The following WNK1 variants were observed in gnomAD, a reference collection of about 807,000 sequenced individuals.
The protein encoded by WNK1 is WNK lysine deficient protein kinase 1.
A neutral mutation model predicts 222.8 loss-of-function variants in WNK1; 38 were observed. That is an observed-to-expected ratio of 0.17 (90% CI 0.13 to 0.22). The LOEUF (loss-of-function observed/expected upper bound fraction) is 0.22. WNK1 is among the 10% of genes least tolerant of loss of function. WNK1 has a pLI of 1.00. For synonymous variants in WNK1, 1,090 were observed against 1,092.9 expected (o/e 1.00, Z 0.05); for missense variants, 2,348 against 2,918.4 (o/e 0.80, Z 4.50).
intron 1 of WNK1, among the ~76,000 whole-genome samples, chr12:764,293 A>G (rs1309451744): frequency 6.8e-6 from 1 of 147,660 alleles, no homozygotes; most frequent in Non-Finnish European, 1.5e-5. Context: ...TTTAACAAGT[A>G]GTAAAGAAAT....
intron 1 of WNK1, among the ~76,000 whole-genome samples, chr12:792,381 C>G (rs967060796): frequency 7.0e-6 from 1 of 142,312 alleles, no homozygotes; most frequent in East Asian, 2.1e-4. Flanking sequence ...GGTGCAATCT[C>G]GGCTCACTGC....
intron 3 of WNK1, among the ~76,000 whole-genome samples, chr12:828,096 G>C (rs547545171): frequency 6.6e-6 from 1 of 151,422 alleles, no homozygotes; most frequent in East Asian, 2.0e-4. Context: ...TCAGGAGTTT[G>C]AGACCAGTCT....
In WNK1 at chr12:754,340, C is replaced by T. The variant is rs1015314188; in HGVS notation, c.759+16C>T. The T allele has an allele frequency of 1.9e-6, 3 of 1,589,112 alleles. No individual in the cohort carries two copies. Among genetic ancestry groups the T allele is most frequent in the South Asian group, 1.1e-5 (1 of 91,000 alleles). ...TGAACTGCAGGTAAAGCCCCACCTA[C>T]TTTATTTGACGGTCCTTTGGATCCC... On this transcript the variant is annotated intron_variant, in intron 1 of 27. Coordinates refer to ENST00000315939, the MANE Select transcript of WNK1 (RefSeq NM_018979.4).
At chr12:818,383 G>A (rs1425854767) in intron 2 of WNK1, among the ~76,000 whole-genome samples, 3 of 152,084 alleles carry the variant, frequency 2.0e-5, no homozygotes, top group Non-Finnish European at 4.4e-5. Flanking sequence ...TGTGATTTTG[G>A]GCAAATAGCT....
chr12:880,608 C>T, intron 11 of WNK1, 113 bp from the exon 12 acceptor site: 5 of 1,138,622 alleles, frequency 4.4e-6, no homozygotes, highest in Non-Finnish European at 6.5e-6. Context: ...AAGAGATTGG[C>T]TACTATTCTT....
chr12:829,971 G>A (rs199600744), intron 3 of WNK1, 32 bp from the exon 4 acceptor site: 299 of 1,613,158 alleles, frequency 1.9e-4, no homozygotes, highest in Admixed American at 5.0e-5. Flanking sequence ...GCTTCTGCTC[G>A]CATTGAGTCT....
intron 4 of WNK1, chr12:851,895 G>A (rs1950447723): frequency 1.1e-6 from 1 of 929,456 alleles, no homozygotes; most frequent in African/African-American, 1.7e-5. Context: ...TATTGAAATT[G>A]TTAACTTGAG....
intron 1 of WNK1, among the ~76,000 whole-genome samples, chr12:800,851 C>T (rs976248954): frequency 6.6e-6 from 1 of 152,158 alleles, no homozygotes; most frequent in African/African-American, 2.4e-5. Context: ...TAATTTCCTG[C>T]CTACCCAAGG....
intron 21 of WNK1, among the ~76,000 whole-genome samples, 190 bp from the exon 22 acceptor site, chr12:890,263 C>G (rs1420263099): frequency 6.6e-6 from 1 of 151,946 alleles, no homozygotes; most frequent in Non-Finnish European, 1.5e-5. Flanking sequence ...CTAAAAGGTG[C>G]CTTTCTTTAC....
intron 4 of WNK1, among the ~76,000 whole-genome samples, chr12:856,116 G>C (rs1426894758): frequency 6.6e-6 from 1 of 151,754 alleles, no homozygotes; most frequent in Non-Finnish European, 1.5e-5. Context: ...TGGGATTACA[G>C]GTGTGAGCCA....
intron 1 of WNK1, among the ~76,000 whole-genome samples, chr12:776,464 G>A (rs1435346411): frequency 1.5e-5 from 2 of 136,742 alleles, no homozygotes; most frequent in African/African-American, 2.6e-5. Context: ...ATGGAGTCTC[G>A]CTTTATCCCC....
At chr12:762,352 G>C (rs1412155617) in intron 1 of WNK1, among the ~76,000 whole-genome samples, 1 of 147,598 alleles carries the variant, frequency 6.8e-6, no homozygotes, top group South Asian at 2.2e-4. Flanking sequence ...GGCTCCTCAC[G>C]TATAGTTTAA....
intron 7 of WNK1, among the ~76,000 whole-genome samples, chr12:861,681 C>G (rs559056086): frequency 1.3e-5 from 2 of 152,110 alleles, no homozygotes; most frequent in Non-Finnish European, 2.9e-5. Flanking sequence ...AAAATTGAAC[C>G]CATCAGTCTG....
rs72649880 is a variant in WNK1 at position 878,322 on chromosome 12, A to G, written c.2334A>G (p.Gln778=). 1.7e-5 allele frequency: 28 copies of G among 1,614,028 alleles called. No homozygotes were observed. Among genetic ancestry groups the G allele is most frequent in the South Asian group, 3.3e-5 (3 of 91,094 alleles). Residue 778 remains glutamine, a synonymous_variant, in exon 10 of 28, where the codon CAA becomes CAG. Coordinates refer to ENST00000315939, the MANE Select transcript of WNK1 (RefSeq NM_018979.4). ...ATTAQPVSQP[Q]APQVLPQVSA... is the part of the protein sequence containing the mutation. ...CTGCACAGCCAGTGAGTCAGCCTCAAGCTCCACAAGTCTTGCCTCAAGTAT... is the reference window on the plus strand; with the variant it reads ...CTGCACAGCCAGTGAGTCAGCCTCAGGCTCCACAAGTCTTGCCTCAAGTAT...
intron 1 of WNK1, among the ~76,000 whole-genome samples, chr12:807,087 T>C (rs1387436589): frequency 2.0e-5 from 3 of 151,882 alleles, no homozygotes; most frequent in South Asian, 2.1e-4. Context: ...AAGGTTAAGA[T>C]TGAGCTGATA....
Position 753,521 on chromosome 12 carries a change from C to CGAAAA in WNK1, c.-44_-43insAAAAG, listed in dbSNP as rs1939497952. The CGAAAA allele has an allele frequency of 6.2e-7, 1 of 1,609,960 alleles. No individual in the cohort carries two copies. Among genetic ancestry groups the CGAAAA allele is most frequent in the Non-Finnish European group, 8.5e-7 (1 of 1,179,514 alleles). On this transcript the variant is annotated 5_prime_UTR_variant, in exon 1 of 28. Coordinates refer to ENST00000315939, the MANE Select transcript of WNK1 (RefSeq NM_018979.4). This position sits in a 1 kb window ranked among gnomAD's most constrained non-coding sequence, Gnocchi z 5.2. ...GCGGCTCGGCCCTTCACGCCCTTTT[C>CGAAAA]GTTCACGAATCCGAGCCCGCTCGCC...
chr12:899,641 A>G (rs1306923690), intron 25 of WNK1, among the ~76,000 whole-genome samples: 1 of 152,172 alleles, frequency 6.6e-6, no homozygotes, highest in Non-Finnish European at 1.5e-5. Flanking sequence ...CTTGAATTCA[A>G]CTGGGAACCG....
intron 1 of WNK1, among the ~76,000 whole-genome samples, chr12:766,131 T>G (rs1941664716): frequency 6.6e-6 from 1 of 152,082 alleles, no homozygotes; most frequent in African/African-American, 2.4e-5. Context: ...ACATATTGGA[T>G]ACAATGTTCA....
rs72650722 is a variant in WNK1, at chr12:883,598, T to G, written c.3663+30T>G. ...GTTCACCACTCCCATAGTGAAACTT[T>G]GTTGATTTAAAATATTTTCATAGTT... On this transcript the variant is annotated intron_variant, in intron 16 of 27. Transcript: ENST00000315939. The G allele has an allele frequency of 3.6e-4, 577 of 1,613,910 alleles. 2 individuals are homozygous for G. The African/African-American group carries it at 5.8e-3, about 16-fold the overall frequency.
Sources: allele counts gnomAD v4.1 joint callset (sites outside exome capture counted in the v4.1 genomes callset), GRCh38; gene constraint gnomAD v4.1.1; non-coding constraint Gnocchi (gnomAD v3.1); transcripts MANE v1.5; gene names NCBI Gene and HGNC (gene_info 2026-07-23, HGNC 2026-07-21).